The following ZAN variants were observed in gnomAD, a reference collection of about 807,000 sequenced individuals.
The protein encoded by ZAN is zonadhesin, also known as zonadhesin (gene/pseudogene).
In ZAN, 260 loss-of-function variants were observed where a neutral mutation model predicts 286.2. The ratio of observed to expected loss-of-function variants is 0.91; its 90% confidence interval spans 0.82 to 1.01. The LOEUF is 1.01. Among genes scored for constraint, ZAN ranks in the 50% least tolerant of loss-of-function variants. The pLI, the probability that ZAN is intolerant of heterozygous loss-of-function variation, is 0.00. For missense variants in ZAN, 3,410 were observed against 3,639.2 expected (o/e 0.94, Z 1.62); for synonymous variants, 1,368 against 1,417.5 (o/e 0.97, Z 0.79).
chr7:100,783,902 C>T (rs1386244934), intron 35 of ZAN, among the ~76,000 whole-genome samples: 1 of 146,178 alleles, frequency 6.8e-6, no homozygotes, highest in Admixed American at 7.0e-5. Context: ...GTTGCTGAAC[C>T]TTCTTATCCA....
chr7:100,737,652 G>T (rs1268738514), intron 6 of ZAN, among the ~76,000 whole-genome samples: 1 of 138,920 alleles, frequency 7.2e-6, no homozygotes, highest in African/African-American at 2.6e-5. Context: ...CTTGCAGTGA[G>T]CCGAGATCGT....
rs768024017 is a variant in ZAN at position 100,752,569 on chromosome 7, C to T, written c.2464C>T (p.Pro822Ser). 1 of 1,612,750 alleles carries T rather than the reference C, an allele frequency of 6.2e-7. No homozygotes were observed. ...TEKPSIPMEK[P>S]TLPTEETTTS... ...AAAACCCAGCATCCCCATGGAAAAA[C>T]CCACTCTCCCCACTGAAGAAACCAC... is the stretch of plus-strand genomic sequence containing the variant. Residue 822 changes from proline (P) to serine (S), a missense_variant, in exon 14 of 48, where the codon CCC becomes TCC. Pro to Ser is a moderately conservative substitution (Grantham distance 74, BLOSUM62 -1). Around this residue, in one of 7 missense-constraint regions of ZAN, gnomAD observed 90 missense variants for 87.1 expected, o/e 1.03. Coordinates refer to ENST00000613979, the MANE Select transcript of ZAN (RefSeq NM_003386.3).
At chr7:100,753,832 TAAAA>T (rs59347418) in intron 14 of ZAN, among the ~76,000 whole-genome samples, 4 of 73,172 alleles carry the variant, frequency 5.5e-5, no homozygotes, top group East Asian at 4.3e-4. Flanking sequence ...GACATCGTCC[TAAAA>T]AAAAAAAAAA....
chr7:100,755,508 C>G, intron 15 of ZAN, 98 bp downstream of exon 15: 1 of 1,392,408 alleles, frequency 7.2e-7, no homozygotes, highest in African/African-American at 1.4e-5. Context: ...CAACAGGGAT[C>G]ACCGGATAGT....
In ZAN at chr7:100,737,434, C is replaced by T. The variant is rs1005716219; in HGVS notation, c.613+85C>T. 5.5e-5 allele frequency: 56 copies of T among 1,026,756 alleles called. 7 individuals carry two copies. The highest frequency in any genetic ancestry group is 5.2e-4 in the East Asian group (19 of 36,704). The allele number at this position is 1,026,756 out of a possible 1,614,324, so 63.6% of individuals were successfully genotyped here. A position where few individuals can be genotyped will look rare whatever the true frequency, so the allele number is the denominator to read the frequency against. ...ACAAGAAGAGGATCCAGGGCGGGCG[C>T]GGTGGCTCATGCCTGTAATCCCAGC... On this transcript the variant is annotated intron_variant, in intron 6 of 47. Coordinates refer to ENST00000613979, the MANE Select transcript of ZAN (RefSeq NM_003386.3).
chr7:100,771,787 T>C, intron 28 of ZAN, 57 bp from the exon 29 acceptor site: 3 of 1,542,972 alleles, frequency 1.9e-6, no homozygotes, highest in Non-Finnish European at 2.6e-6. Flanking sequence ...GGAAGCCACA[T>C]GGCCCTGTTC....
intron 11 of ZAN, among the ~76,000 whole-genome samples, chr7:100,749,651 A>AAATAT (rs1360254873): frequency 2.6e-4 from 29 of 109,438 alleles, no homozygotes; most frequent in African/African-American, 4.0e-4. Flanking sequence ...AAAAAAAAAA[A>AAATAT]ATATATATAT....
In ZAN at chr7:100,737,009, T is replaced by C; in HGVS notation, c.454T>C (p.Trp152Arg). The C allele has an allele frequency of 6.7e-7, 1 of 1,501,396 alleles. No homozygotes were observed. Among genetic ancestry groups the C allele is most frequent in the Non-Finnish European group, 9.1e-7 (1 of 1,096,982 alleles). 93.0% of individuals were successfully genotyped at this position (1,501,396 alleles called of 1,614,324 possible). A position where few individuals can be genotyped will look rare whatever the true frequency, so the allele number is the denominator to read the frequency against. Residue 152 changes from tryptophan (W) to arginine (R), a missense_variant, in exon 5 of 48, where the codon TGG becomes CGG. Physicochemically the swap from Trp to Arg is moderately radical, Grantham distance 101. Transcript: ENST00000613979. ...GRRPDVLWKH[W>R]NTQRPSWMLT... is the part of the protein sequence containing the mutation. ...CCGCCCCGATGTGCTCTGGAAACACTGGAACACCCAGAGACCCTCCTGGAT... is the reference window on the plus strand; with the variant it reads ...CCGCCCCGATGTGCTCTGGAAACACCGGAACACCCAGAGACCCTCCTGGAT...
intron 24 of ZAN, among the ~76,000 whole-genome samples, 164 bp downstream of exon 24, chr7:100,766,830 A>T (rs992587703): frequency 6.6e-6 from 1 of 152,172 alleles, no homozygotes; most frequent in African/African-American, 2.4e-5. Context: ...GAGGTTGGGG[A>T]CGTCAGTGTT....
At chr7:100,762,106 C>T in intron 19 of ZAN, 109 bp from the exon 20 acceptor site, 1 of 1,408,238 alleles carries the variant, frequency 7.1e-7, no homozygotes, top group Non-Finnish European at 9.9e-7. Context: ...CTTCATCCTC[C>T]TCACGCCCTC....
chr7:100,753,311 G>C, intron 14 of ZAN, 82 bp downstream of exon 14: 4 of 1,421,782 alleles, frequency 2.8e-6, no homozygotes, highest in Non-Finnish European at 3.8e-6. Context: ...GATGCTTCTG[G>C]TAGAAGCCTT....
At chr7:100,757,323 G>T (rs1482983047) in intron 15 of ZAN, among the ~76,000 whole-genome samples, 1 of 152,082 alleles carries the variant, frequency 6.6e-6, no homozygotes, top group African/African-American at 2.4e-5. Context: ...TGGCACTGGG[G>T]TCGCCACGAA....
At chr7:100,775,632 C>T in intron 32 of ZAN, 37 bp from the exon 33 acceptor site, 1 of 1,611,828 alleles carries the variant, frequency 6.2e-7, no homozygotes, top group Non-Finnish European at 8.5e-7. Flanking sequence ...GGACTCTTGT[C>T]CCTGCTCCTA....
rs769133990 is a variant in ZAN, at chr7:100,759,765, G to A, written c.3616G>A (p.Glu1206Lys). 29 of 1,599,880 alleles carry A rather than the reference G, an allele frequency of 1.8e-5. No individual in the cohort carries two copies. The highest frequency in any genetic ancestry group is 2.0e-5 in the Non-Finnish European group (24 of 1,173,560). ...VTAKNEEQGQEGVSCLSKVYV... is the reference protein window; with the variant it reads ...VTAKNEEQGQKGVSCLSKVYV... ...AGCCAAGAATGAGGAGCAGGGACAG[G>A]AAGGCGTGTCCTGCCTGAGCAAAGT... The change falls in exon 18 of 48, where the codon GAA (glutamate) becomes AAA (lysine). Residue 1206 changes from glutamate (E) to lysine (K), a missense_variant. Glu to Lys is a moderately conservative substitution (Grantham distance 56, BLOSUM62 1). Transcript: ENST00000613979.
chr7:100,766,466 A>G (rs1174857773), intron 23 of ZAN, 59 bp from the exon 24 acceptor site: 1 of 1,502,628 alleles, frequency 6.7e-7, no homozygotes, highest in East Asian at 2.5e-5. Flanking sequence ...CAGATCTGGG[A>G]AAAAACAAAA....
intron 39 of ZAN, 127 bp downstream of exon 39, chr7:100,789,474 G>C: frequency 7.0e-7 from 1 of 1,433,422 alleles, no homozygotes; most frequent in Non-Finnish European, 9.4e-7. Context: ...AGCTTCAGAG[G>C]AGGACCAGGA....
chr7:100,762,419 C>CTTTTT (rs869138443), intron 20 of ZAN, 61 bp downstream of exon 20: 82 of 1,019,060 alleles, frequency 8.0e-5, no homozygotes, highest in Middle Eastern at 3.9e-4. Context: ...CTGGAACTCT[C>CTTTTT]TTTTTTTTTT....
At chr7:100,754,789 A>C (rs1809028066) in intron 14 of ZAN, among the ~76,000 whole-genome samples, 1 of 151,806 alleles carries the variant, frequency 6.6e-6, no homozygotes. Flanking sequence ...TCGGCCTCCC[A>C]AAGTCTTGGG....
At chr7:100,773,173 G>A in intron 29 of ZAN, 112 bp from the exon 30 acceptor site, 2 of 1,211,610 alleles carry the variant, frequency 1.7e-6, no homozygotes, top group South Asian at 2.9e-5. Flanking sequence ...CAAAGTGCTG[G>A]GATTACATGT....
Sources: allele counts gnomAD v4.1 joint callset (sites outside exome capture counted in the v4.1 genomes callset), GRCh38; gene constraint gnomAD v4.1.1; regional missense constraint gnomAD v4.1.1; transcripts MANE v1.5; gene names NCBI Gene and HGNC (gene_info 2026-07-23, HGNC 2026-07-21).